LRP1B: variants seen among roughly 807,000 people sequenced by gnomAD.
LRP1B encodes the protein low-density lipoprotein receptor-related protein 1B.
LRP1B carries 217 observed loss-of-function variants against 556.6 expected under a neutral mutation model. The ratio of observed to expected loss-of-function variants is 0.39; its 90% CI spans 0.35 to 0.44. The LOEUF is 0.44. Among genes scored for constraint, LRP1B ranks in the 20% least tolerant of loss-of-function variants. The probability of loss-of-function intolerance (pLI) is 1.00; values close to 1 mark genes in which losing one functional copy is unlikely to be tolerated. For missense variants in LRP1B, 5,053 were observed against 5,620.8 expected, an observed-to-expected ratio of 0.90 and a Z score of 3.23; for synonymous variants, 2,047 against 1,865.8, an observed-to-expected ratio of 1.10 and a Z score of -2.50.
At chr2:140,667,003 T>A (rs539184066) in intron 41 of LRP1B, among the ~76,000 whole-genome samples, 2 of 152,328 alleles carry the variant, frequency 1.3e-5, no homozygotes, top group African/African-American at 4.8e-5. Flanking sequence ...AGAACATACT[T>A]ATTATCATAT....
intron 66 of LRP1B, among the ~76,000 whole-genome samples, chr2:140,427,857 A>G (rs1284431946): frequency 6.6e-6 from 1 of 151,918 alleles, no homozygotes; most frequent in Non-Finnish European, 1.5e-5. Context: ...CCTCCACCCT[A>G]TAATCCTTTT....
At chr2:142,103,953 C>T (rs1398444913) in intron 1 of LRP1B, among the ~76,000 whole-genome samples, 2 of 152,102 alleles carry the variant, frequency 1.3e-5, no homozygotes, top group Non-Finnish European at 2.9e-5. Context: ...TACTCTGGTG[C>T]ATACTTGTTG....
chr2:140,512,827 T>A (rs1689722995), intron 51 of LRP1B, among the ~76,000 whole-genome samples: 1 of 152,136 alleles, frequency 6.6e-6, no homozygotes, highest in African/African-American at 2.4e-5. Flanking sequence ...TGAAAACAAG[T>A]GAGACGAATT....
chr2:141,066,347 T>G (rs1392865039), intron 7 of LRP1B, among the ~76,000 whole-genome samples: 1 of 151,956 alleles, frequency 6.6e-6, no homozygotes, highest in African/African-American at 2.4e-5. Context: ...TTTTATACAG[T>G]TGAGGATAGT....
At chr2:142,089,479 A>C (rs1706078054) in intron 1 of LRP1B, among the ~76,000 whole-genome samples, 2 of 152,254 alleles carry the variant, frequency 1.3e-5, no homozygotes, top group African/African-American at 4.8e-5. Flanking sequence ...TTGAAAAATT[A>C]GCATGTGGGA....
intron 20 of LRP1B, among the ~76,000 whole-genome samples, chr2:140,923,584 A>T (rs78771316): frequency 0.018 from 2,723 of 152,190 alleles, 33 homozygotes; most frequent in South Asian, 0.064. Flanking sequence ...TTTCTTTCAA[A>T]TTATTAAGAA....
intron 1 of LRP1B, among the ~76,000 whole-genome samples, chr2:141,889,926 T>A (rs146330039): frequency 1.3e-5 from 2 of 152,238 alleles, no homozygotes; most frequent in African/African-American, 4.8e-5. Context: ...ACTCTTTAGT[T>A]AGTGACACTG....
chr2:141,400,019 T>TAA (rs1690391159), intron 3 of LRP1B, among the ~76,000 whole-genome samples: 1 of 152,200 alleles, frequency 6.6e-6, no homozygotes, highest in African/African-American at 2.4e-5. Context: ...AGGGTCTCAT[T>TAA]TTGTCACCCT....
rs374492264 is a variant in LRP1B at position 141,847,045 on chromosome 2, T to C, written c.83-36644A>G. 2.0e-5 allele frequency among the ~76,000 whole-genome samples: 3 copies of C among 151,648 alleles called. No homozygotes were observed. In the East Asian group the frequency reaches 5.8e-4, roughly 29 times the overall value. On this transcript the variant is annotated intron_variant, in intron 1 of 90. Transcript: ENST00000389484. The stretch of plus-strand genomic sequence containing the variant: ...GCTAAGCAGAAAGAGGTATGACTGT[T>C]CTTTGTTTCATTTCATTTTGTAAAT...
At chr2:141,323,038 A>G (rs1036194698) in intron 3 of LRP1B, among the ~76,000 whole-genome samples, 20 of 152,134 alleles carry the variant, frequency 1.3e-4, no homozygotes, top group Admixed American at 3.3e-4. Flanking sequence ...AAGATATTAC[A>G]TATAAAATGC....
chr2:141,737,632 A>G (rs1478257381), intron 2 of LRP1B, among the ~76,000 whole-genome samples: 1 of 152,152 alleles, frequency 6.6e-6, no homozygotes, highest in Non-Finnish European at 1.5e-5. Context: ...GAGATAGGAA[A>G]ACTAAGGGGC....
chr2:141,115,463 T>TTTTG (rs1553461959), intron 7 of LRP1B, among the ~76,000 whole-genome samples: 1 of 144,370 alleles, frequency 6.9e-6, no homozygotes, highest in East Asian at 2.0e-4. Flanking sequence ...TTTTTGTTTT[T>TTTTG]TTTTTTTTTT....
At chr2:141,844,898 T>C (rs2105765348) in intron 1 of LRP1B, among the ~76,000 whole-genome samples, 1 of 152,094 alleles carries the variant, frequency 6.6e-6, no homozygotes, top group Middle Eastern at 3.5e-3. Flanking sequence ...TATAGACTTC[T>C]ATATTCTTAT....
chr2:141,275,036 A>C (rs1217819424), intron 3 of LRP1B, among the ~76,000 whole-genome samples: 2 of 152,208 alleles, frequency 1.3e-5, no homozygotes, highest in African/African-American at 4.8e-5. Context: ...AAAAAGGCGA[A>C]TGATCCAGAA....
intron 2 of LRP1B, 114 bp downstream of exon 2, chr2:141,810,165 G>T (rs574464621): frequency 1.4e-5 from 5 of 365,300 alleles, no homozygotes; most frequent in Non-Finnish European, 1.8e-5. Context: ...AAGAAAGAAA[G>T]AAGGAAAGAA....
intron 2 of LRP1B, among the ~76,000 whole-genome samples, chr2:141,635,182 A>C (rs755521318): frequency 2.0e-5 from 3 of 152,108 alleles, no homozygotes; most frequent in Non-Finnish European, 2.9e-5. Context: ...TTATACGTAC[A>C]GAATGAGTGA....
At chr2:140,847,990 T>G (rs1352633519) in intron 29 of LRP1B, among the ~76,000 whole-genome samples, 1 of 152,138 alleles carries the variant, frequency 6.6e-6, no homozygotes, top group Admixed American at 6.5e-5. Flanking sequence ...AGTTCATAAT[T>G]AAAGACAGAA....
At chr2:141,718,096 C>T (rs16846962) in intron 2 of LRP1B, among the ~76,000 whole-genome samples, 14,147 of 152,236 alleles carry the variant, frequency 0.093, 1,098 homozygotes, top group African/African-American at 0.2. Context: ...TCCAGCTATG[C>T]ATTTTTTTCT....
At chr2:141,188,781 C>A (rs552994973) in intron 6 of LRP1B, among the ~76,000 whole-genome samples, 198 bp from the exon 7 acceptor site, 1 of 152,050 alleles carries the variant, frequency 6.6e-6, no homozygotes, top group Non-Finnish European at 1.5e-5. Flanking sequence ...TGGTGCCTTT[C>A]TTCTTGCTAT....
Sources: gnomAD v4.1 joint callset for allele counts (sites outside exome capture counted in the v4.1 genomes callset) on GRCh38, gnomAD v4.1.1 for gene constraint, MANE v1.5 for transcripts, NCBI Gene and HGNC (gene_info 2026-07-23, HGNC 2026-07-21) for gene names.